The following NEBL variants were observed in gnomAD, a reference collection of about 807,000 sequenced individuals.
The protein encoded by NEBL is LIM and SH3 protein 2.
In NEBL, 122 loss-of-function variants were observed where a neutral mutation model predicts 140.2. The ratio of observed to expected loss-of-function variants is 0.87; its 90% CI spans 0.75 to 1.01. NEBL has a LOEUF of 1.01. Ranked by LOEUF, NEBL falls within the 50% of genes least tolerant of loss-of-function variation. The probability of loss-of-function intolerance (pLI) is 0.00; values close to 1 mark genes in which losing one functional copy is unlikely to be tolerated. For missense variants in NEBL, 1,365 were observed against 1,231.3 expected (o/e 1.11, Z -1.62); for synonymous variants, 436 against 398.9 (o/e 1.09, Z -1.11).
intron 2 of NEBL, among the ~76,000 whole-genome samples, chr10:21,027,899 G>T (rs961376815): frequency 6.6e-5 from 10 of 152,044 alleles, no homozygotes; most frequent in Non-Finnish European, 1.0e-4. Context: ...AAAAATGGTT[G>T]TTTTATGTCA....
At chr10:20,836,059 G>C (rs1840857576) in intron 13 of NEBL, among the ~76,000 whole-genome samples, 1 of 151,970 alleles carries the variant, frequency 6.6e-6, no homozygotes, top group Non-Finnish European at 1.5e-5. Context: ...CATTTTTATT[G>C]TGCTTTGTAG....
chr10:20,884,944 A>G (rs949795609), intron 4 of NEBL, among the ~76,000 whole-genome samples: 7 of 152,158 alleles, frequency 4.6e-5, no homozygotes, highest in African/African-American at 1.7e-4. Flanking sequence ...AAAACTCTAC[A>G]TCTCTCTCTC....
intron 4 of NEBL, among the ~76,000 whole-genome samples, chr10:20,904,993 G>A (rs1241360161): frequency 6.6e-6 from 1 of 152,166 alleles, no homozygotes; most frequent in Non-Finnish European, 1.5e-5. Flanking sequence ...TAGTTTCCTA[G>A]TAATTTATGG....
chr10:20,926,979 T>C (rs1833943427), intron 4 of NEBL, among the ~76,000 whole-genome samples: 1 of 152,076 alleles, frequency 6.6e-6, no homozygotes, highest in Non-Finnish European at 1.5e-5. Context: ...GAAAAATCAT[T>C]GAACAATCAC....
intron 11 of NEBL, among the ~76,000 whole-genome samples, chr10:20,847,567 T>A (rs1842063880): frequency 6.6e-6 from 1 of 151,890 alleles, no homozygotes; most frequent in African/African-American, 2.4e-5. Flanking sequence ...GCAACCAGAA[T>A]GATAAAAGGT....
At chr10:21,198,788 A>G (rs971304266) in intron 3 of NEBL, among the ~76,000 whole-genome samples, 1 of 151,920 alleles carries the variant, frequency 6.6e-6, no homozygotes, top group Non-Finnish European at 1.5e-5. Context: ...AGCCTGCCCT[A>G]TGACAGACCT....
In NEBL at chr10:21,040,209, T is replaced by A. The variant is rs535254549; in HGVS notation, c.165-20008A>T. On this transcript the variant is annotated intron_variant, in intron 2 of 6. Coordinates refer to the NEBL transcript ENST00000417816. ...GATGAAACCCCGTCTCTACTAAAAA[T>A]ACAAAAATTAGCTGGGTATGGTGGC... Among the ~76,000 whole-genome samples, 12 of 151,980 alleles carry A rather than the reference T, an allele frequency of 7.9e-5. No individual in the cohort carries two copies. In the South Asian group the frequency reaches 2.5e-3, roughly 32 times the overall value.
chr10:21,181,980 C>T (rs1179412742), intron 3 of NEBL, among the ~76,000 whole-genome samples: 2 of 152,192 alleles, frequency 1.3e-5, no homozygotes, highest in Non-Finnish European at 2.9e-5. Flanking sequence ...GTGGACTGGA[C>T]AGGACCAAAT....
At chr10:21,075,609 G>A (rs949886079) in intron 2 of NEBL, among the ~76,000 whole-genome samples, 18 of 152,124 alleles carry the variant, frequency 1.2e-4, no homozygotes, top group African/African-American at 3.9e-4. Flanking sequence ...GTTGGCCACC[G>A]GTCTGCAGCG....
chr10:21,150,190 G>T (rs545872833), intron 2 of NEBL, among the ~76,000 whole-genome samples: 16 of 152,218 alleles, frequency 1.1e-4, no homozygotes, highest in African/African-American at 3.9e-4. Context: ...AATAAAATAT[G>T]GACCAAAAAT....
intron 4 of NEBL, among the ~76,000 whole-genome samples, chr10:20,887,398 T>A (rs1446362912): frequency 2.0e-5 from 3 of 147,772 alleles, no homozygotes; most frequent in Non-Finnish European, 4.5e-5. Flanking sequence ...GATCTGTGGA[T>A]CCTGAATTCA....
At chr10:21,030,577 C>G in intron 2 of NEBL, 1 of 668,832 alleles carries the variant, frequency 1.5e-6, no homozygotes, top group South Asian at 1.4e-5. Context: ...GCACGAATAC[C>G]CTACAAGTGG....
chr10:20,995,628 C>T (rs1837637704), intron 3 of NEBL, among the ~76,000 whole-genome samples: 1 of 152,208 alleles, frequency 6.6e-6, no homozygotes, highest in Non-Finnish European at 1.5e-5. Context: ...GAACTCCCAA[C>T]TTCACTGCTC....
At chr10:21,124,423 G>A (rs949763924) in intron 2 of NEBL, among the ~76,000 whole-genome samples, 11 of 152,150 alleles carry the variant, frequency 7.2e-5, no homozygotes, top group African/African-American at 4.8e-5. Context: ...AATCAGGCCT[G>A]GGCCTTTTTT....
intron 3 of NEBL, among the ~76,000 whole-genome samples, chr10:20,980,858 T>G (rs1837010598): frequency 1.3e-5 from 2 of 152,248 alleles, no homozygotes; most frequent in African/African-American, 4.8e-5. Flanking sequence ...TATTACTTCT[T>G]CCTTCTAACA....
In NEBL at chr10:20,938,902, G is replaced by A. The variant is rs926599652; in HGVS notation, c.357+22770C>T. Among the ~76,000 whole-genome samples the A allele has an allele frequency of 2.0e-5, 3 of 152,202 alleles. 1 individual carries two copies. Among genetic ancestry groups the A allele is most frequent in the Middle Eastern group, 6.3e-3 (2 of 316 alleles). ...AAGTTTAGAGAAAAAAGAATAAAAAGAAATGAACAAAACCTCCAAGAAATA... is the reference window on the plus strand; with the variant it reads ...AAGTTTAGAGAAAAAAGAATAAAAAAAAATGAACAAAACCTCCAAGAAATA... On this transcript the variant is annotated intron_variant, in intron 4 of 6. Coordinates refer to the NEBL transcript ENST00000417816.
At chr10:21,273,725 C>G (rs953052711) in intron 1 of NEBL, among the ~76,000 whole-genome samples, 3 of 152,228 alleles carry the variant, frequency 2.0e-5, no homozygotes, top group African/African-American at 7.2e-5. Context: ...ACCCAGGAAC[C>G]AGGGAGTTGC....
intron 2 of NEBL, chr10:21,029,310 C>T: frequency 6.2e-7 from 1 of 1,610,086 alleles, no homozygotes; most frequent in South Asian, 1.1e-5. Context: ...GGAACCTATC[C>T]TATGATGTGA....
chr10:20,785,663 G>T lies in NEBL; in HGVS notation c.*84C>A. 1.4e-6 allele frequency: 2 copies of T among 1,462,678 alleles called. No homozygotes were observed. The highest frequency in any genetic ancestry group is 2.5e-5 in the East Asian group (1 of 40,746). The allele number at this position is 1,462,678 out of a possible 1,614,324, so 90.6% of individuals were successfully genotyped here. On this transcript the variant is annotated 3_prime_UTR_variant, in exon 28 of 28. Transcript: ENST00000377122. ...TACATCATTGTAAAATAATGGCCAA[G>T]TTGTCTTAAAAGTATCTTCTATCTT...
Sources: allele counts gnomAD v4.1 joint callset (sites outside exome capture counted in the v4.1 genomes callset), GRCh38; gene constraint gnomAD v4.1.1; transcripts MANE v1.5; gene names NCBI Gene and HGNC (gene_info 2026-07-23, HGNC 2026-07-21).